The following EMC9 variants were observed in gnomAD, a reference collection of about 807,000 sequenced individuals.
EMC9 encodes UPF0172 protein FAM158A.
Under a neutral mutation model 25.0 loss-of-function variants are expected in EMC9, and 20 were observed. The observed-to-expected ratio is 0.80, with a 90% CI of 0.56 to 1.16. EMC9 has a LOEUF of 1.16. Ranked by LOEUF, EMC9 falls within the 50% of genes most tolerant of loss-of-function variation. EMC9 has a pLI of 0.00. For missense variants in EMC9, 256 were observed against 268.7 expected (o/e 0.95, Z 0.33); for synonymous variants, 100 against 107.0 (o/e 0.93, Z 0.40).
At chr14:24,140,609 AT>A (rs2038030975) in intron 3 of EMC9, among the ~76,000 whole-genome samples, 1 of 151,024 alleles carries the variant, frequency 6.6e-6, no homozygotes. Flanking sequence ...AAAAAAAAAA[AT>A]CAGTCTGTTG....
intron 3 of EMC9, 72 bp downstream of exon 3, chr14:24,140,815 CAT>C: frequency 6.7e-7 from 1 of 1,502,110 alleles, no homozygotes; most frequent in Non-Finnish European, 9.2e-7. Context: ...CCGCCCCACG[CAT>C]CCTCGCCCTC....
chr14:24,139,938 T>C lies in EMC9; in HGVS notation c.276-324A>G, dbSNP rs8010715. The C allele has an allele frequency of 0.33, 161,566 of 488,856 alleles. 30,393 individuals are homozygous for C. The highest frequency in any genetic ancestry group is 0.63 in the East Asian group (10,414 of 16,638). The allele number at this position is 488,856 out of a possible 1,614,324, so 30.3% of individuals were successfully genotyped here. ...AGAAATTCTACTTATAAAGAATTTA[T>C]GGTAATCATAGGACAGTGTCTGTAA... is the stretch of plus-strand genomic sequence containing the variant. On this transcript the variant is annotated intron_variant, in intron 3 of 5. Coordinates refer to ENST00000216799, the MANE Select transcript of EMC9 (RefSeq NM_016049.4). The surrounding 1 kb of genome is among the most constrained non-coding windows in gnomAD (Gnocchi z 4.6).
At position 24,139,418 on chromosome 14, in the gene EMC9, G is replaced by T; in HGVS notation, c.382C>A (p.Pro128Thr). The T allele has an allele frequency of 3.1e-6, 5 of 1,614,152 alleles. No homozygotes were observed. The highest frequency in any genetic ancestry group is 4.2e-6 in the Non-Finnish European group (5 of 1,180,034). ...NQKLVPQPRV[P>T]PVIVLENQGL... ...TGGTTCTCCAGGACGATGACCGGGG[G>T]CACACGAGGCTGAGGCACCAGTTTC... The change falls in exon 5 of 6, where the codon CCC (proline) becomes ACC (threonine). Residue 128 changes from proline to threonine, a missense_variant. Pro to Thr is a conservative substitution (Grantham distance 38). Coordinates refer to ENST00000216799, the MANE Select transcript of EMC9 (RefSeq NM_016049.4). The surrounding 1 kb of genome is among the most constrained non-coding windows in gnomAD (Gnocchi z 4.6).
At chr14:24,141,027 G>T in intron 2 of EMC9, 62 bp from the exon 3 acceptor site, 1 of 1,613,590 alleles carries the variant, frequency 6.2e-7, no homozygotes, top group Non-Finnish European at 8.5e-7. Context: ...GATGCGCACT[G>T]CTGCCAAGGG....
At position 24,139,826 on chromosome 14, in the gene EMC9, G is replaced by C. The variant is rs2038009007; in HGVS notation, c.276-212C>G. ...AGGTGCTCAGATATTGCTGGTGAGAGTGGAAACCAAAGGTGGTCTTTTTGG... is the reference window on the plus strand; with the variant it reads ...AGGTGCTCAGATATTGCTGGTGAGACTGGAAACCAAAGGTGGTCTTTTTGG... On this transcript the variant is annotated intron_variant, in intron 3 of 5. Transcript: ENST00000216799. This position sits in a 1 kb window ranked among gnomAD's most constrained non-coding sequence, Gnocchi z 4.6. 3 of 1,466,302 alleles carry C rather than the reference G, an allele frequency of 2.0e-6. No homozygotes were observed. The highest frequency in any genetic ancestry group is 2.8e-6 in the Non-Finnish European group (3 of 1,079,780). The allele number at this position is 1,466,302 out of a possible 1,614,324, so 90.8% of individuals were successfully genotyped here. A position where few individuals can be genotyped will look rare whatever the true frequency, so the allele number is the denominator to read the frequency against.
chr14:24,141,433 C>T lies in EMC9; in HGVS notation c.-13+5G>A. On this transcript the variant is annotated splice_donor_5th_base_variant and intron_variant, in intron 1 of 5. Transcript: ENST00000216799. ...GCTCTTTGACCCTTCCCCGTGCCCT[C>T]TCACTTCGGTTCGGCGACAACGCTA... The T allele has an allele frequency of 1.0e-6, 1 of 1,002,176 alleles. No individual in the cohort carries two copies. Among genetic ancestry groups the T allele is most frequent in the Non-Finnish European group, 1.5e-6 (1 of 675,730 alleles). The allele number at this position is 1,002,176 out of a possible 1,614,324, so 62.1% of individuals were successfully genotyped here. A position where few individuals can be genotyped will look rare whatever the true frequency, so the allele number is the denominator to read the frequency against.
Position 24,139,125 on chromosome 14 carries a change from T to C in EMC9, c.512A>G (p.His171Arg). The change falls in exon 6 of 6, where the codon CAC becomes CGC. Residue 171 changes from histidine to arginine, a missense_variant. Physicochemically the swap from His to Arg is conservative, Grantham distance 29. Coordinates refer to ENST00000216799, the MANE Select transcript of EMC9 (RefSeq NM_016049.4). This position sits in a 1 kb window ranked among gnomAD's most constrained non-coding sequence, Gnocchi z 4.6. ...GALLEDRAHQ[H>R]LVDFDCHLDD... ...AAGGTGGCAGTCAAAGTCCACAAGG[T>C]GCTGGTGGGCCCGATCTTCCAGTAG... The C allele has an allele frequency of 6.2e-7, 1 of 1,614,158 alleles. No homozygotes were observed. The highest frequency in any genetic ancestry group is 8.5e-7 in the Non-Finnish European group (1 of 1,180,022).
In EMC9 at chr14:24,139,903, A is replaced by T. The variant is rs2038010874; in HGVS notation, c.276-289T>A. The T allele has an allele frequency of 6.6e-6, 4 of 607,958 alleles. No homozygotes were observed. Among genetic ancestry groups the T allele is most frequent in the South Asian group, 3.0e-5 (2 of 66,466 alleles). The allele number at this position is 607,958 out of a possible 1,614,324, so 37.7% of individuals were successfully genotyped here. Reference sequence around the variant, plus strand: ...TTGAAACTGTATACATACTATACATATGCTGACCCAGAAATTCTACTTATA... The same window carrying T: ...TTGAAACTGTATACATACTATACATTTGCTGACCCAGAAATTCTACTTATA... On this transcript the variant is annotated intron_variant, in intron 3 of 5. Coordinates refer to ENST00000216799, the MANE Select transcript of EMC9 (RefSeq NM_016049.4). The surrounding 1 kb of genome is among the most constrained non-coding windows in gnomAD (Gnocchi z 4.6).
In EMC9 at chr14:24,141,569, C is replaced by A. The variant is rs369081035; in HGVS notation, c.-144G>T. 3.4e-6 allele frequency: 2 copies of A among 583,428 alleles called. No individual in the cohort carries two copies. Among genetic ancestry groups the A allele is most frequent in the African/African-American group, 3.7e-5 (2 of 53,474 alleles). The allele number at this position is 583,428 out of a possible 1,614,324, so 36.1% of individuals were successfully genotyped here. A position where few individuals can be genotyped will look rare whatever the true frequency, so the allele number is the denominator to read the frequency against. On this transcript the variant is annotated 5_prime_UTR_variant, in exon 1 of 6. Transcript: ENST00000216799. ...GCATCCGAGCCCCGCCTTCCCGCGC[C>A]CCTAGCTGGCGGCCGCGACTCTGCG... is the stretch of plus-strand genomic sequence containing the variant.
chr14:24,140,779 CA>C (rs954845877), intron 3 of EMC9, 109 bp downstream of exon 3: 2 of 1,218,304 alleles, frequency 1.6e-6, no homozygotes, highest in Admixed American at 3.9e-5. Flanking sequence ...GACCTTGGTT[CA>C]TCTTGTGCGC....
intron 3 of EMC9, 31 bp downstream of exon 3, chr14:24,140,858 C>CT (rs1158976580): frequency 1.2e-6 from 2 of 1,613,282 alleles, no homozygotes; most frequent in African/African-American, 2.7e-5. Flanking sequence ...CGCCATAATC[C>CT]TTTCCTTCTT....
intron 3 of EMC9, chr14:24,140,031 A>C (rs1211471342): frequency 2.9e-6 from 1 of 348,022 alleles, no homozygotes; most frequent in African/African-American, 2.1e-5. Context: ...TATTCAGACT[A>C]TATAGCTGTT....
Position 24,138,992 on chromosome 14 carries a change from GGCCCC to G in EMC9, c.*13_*17del. On this transcript the variant is annotated 3_prime_UTR_variant, in exon 6 of 6. Coordinates refer to ENST00000216799, the MANE Select transcript of EMC9 (RefSeq NM_016049.4). ...AGCCCAAGTCTCTTTATTGGAACCG[GGCCCC>G]GCTGGCCCTGGCTCAGGCATTTCCA... 1 of 1,612,134 alleles carries G rather than the reference GGCCCC, an allele frequency of 6.2e-7. No homozygotes were observed. Among genetic ancestry groups the G allele is most frequent in the Non-Finnish European group, 8.5e-7 (1 of 1,179,630 alleles).
chr14:24,140,866 C>G (rs1295624252), intron 3 of EMC9, 23 bp downstream of exon 3: 2 of 1,611,092 alleles, frequency 1.2e-6, no homozygotes, highest in Non-Finnish European at 1.7e-6. Flanking sequence ...TCCTTTCCTT[C>G]TTCCTCTGGC....
At position 24,139,493 on chromosome 14, in the gene EMC9, TC is replaced by T; in HGVS notation, c.346-40del. On this transcript the variant is annotated intron_variant, in intron 4 of 5. Coordinates refer to ENST00000216799, the MANE Select transcript of EMC9 (RefSeq NM_016049.4). The surrounding 1 kb of genome is among the most constrained non-coding windows in gnomAD (Gnocchi z 4.6). The stretch of plus-strand genomic sequence containing the variant: ...GATGGGCAAGTGAGAGTTTCAAGGG[TC>T]CCCCCACCCTACTTGCTTTTCACCT... 1 of 1,612,820 alleles carries T rather than the reference TC, an allele frequency of 6.2e-7. No homozygotes were observed. Among genetic ancestry groups the T allele is most frequent in the Non-Finnish European group, 8.5e-7 (1 of 1,179,370 alleles).
chr14:24,141,323 G>C lies in EMC9; in HGVS notation c.-12-7C>G, dbSNP rs2038057325. On this transcript the variant is annotated splice_polypyrimidine_tract_variant and splice_region_variant and intron_variant, in intron 1 of 5. Coordinates refer to ENST00000216799, the MANE Select transcript of EMC9 (RefSeq NM_016049.4). ...CCCCCATGGCGAGCGAGGCCTGGAC[G>C]GGAAGCAGCAAGCCGGATTAGTACC... 5 of 1,613,396 alleles carry C rather than the reference G, an allele frequency of 3.1e-6. No homozygotes were observed. Among genetic ancestry groups the C allele is most frequent in the Non-Finnish European group, 3.4e-6 (4 of 1,179,834 alleles).
At position 24,141,119 on chromosome 14, in the gene EMC9, G is replaced by T; in HGVS notation, c.186C>A (p.Val62=). The T allele has an allele frequency of 6.2e-7, 1 of 1,614,048 alleles. No homozygotes were observed. Among genetic ancestry groups the T allele is most frequent in the Non-Finnish European group, 8.5e-7 (1 of 1,180,048 alleles). ...SHLALSVMLE[V]ALNQVDVWGA... ...CCAACGGAGGCACCTGGTTGAGGGC[G>T]ACCTCCAACATGACGGACAGGGCCA... is the stretch of plus-strand genomic sequence containing the variant. The change falls in exon 2 of 6, where the codon GTC becomes GTA. Residue 62 remains valine (V), a synonymous_variant. Transcript: ENST00000216799.
Position 24,139,090 on chromosome 14 carries a change from G to A in EMC9, c.547C>T (p.Arg183Trp), listed in dbSNP as rs140552029. The A allele has an allele frequency of 2.1e-4, 345 of 1,614,096 alleles. No homozygotes were observed. The African/African-American group carries it at 3.9e-3, about 18-fold the overall frequency. The change falls in exon 6 of 6, where the codon CGG (arginine) becomes TGG (tryptophan). Residue 183 changes from arginine (R) to tryptophan (W), a missense_variant. Physicochemically the swap from Arg to Trp is moderately radical, Grantham distance 101 (BLOSUM62 -3). Coordinates refer to ENST00000216799, the MANE Select transcript of EMC9 (RefSeq NM_016049.4). This position sits in a 1 kb window ranked among gnomAD's most constrained non-coding sequence, Gnocchi z 4.6. Reference sequence around the variant, plus strand: ...AGCCGCTGGTTGGTCCAGTCCTGCCGGATGTCATCAAGGTGGCAGTCAAAG... The same window carrying A: ...AGCCGCTGGTTGGTCCAGTCCTGCCAGATGTCATCAAGGTGGCAGTCAAAG... ...VDFDCHLDDI[R>W]QDWTNQRLNT...
chr14:24,141,403 G>A (rs2139059897), intron 1 of EMC9, 35 bp downstream of exon 1: 2 of 1,291,580 alleles, frequency 1.5e-6, no homozygotes, highest in East Asian at 4.8e-5. Context: ...CCAGCGCTTC[G>A]GCACGCTCTT....
Sources: gnomAD v4.1 joint callset for allele counts (sites outside exome capture counted in the v4.1 genomes callset) on GRCh38, gnomAD v4.1.1 for gene constraint, Gnocchi (gnomAD v3.1) non-coding constraint, MANE v1.5 for transcripts, NCBI Gene and HGNC (gene_info 2026-07-23, HGNC 2026-07-21) for gene names.